Variants in SLC25A21 observed in about 807,000 individuals in gnomAD.
SLC25A21 encodes the protein mitochondrial 2-oxodicarboxylate carrier.
A neutral mutation model predicts 43.8 loss-of-function variants in SLC25A21; 47 were observed. That is an observed-to-expected ratio of 1.07 (90% CI 0.85 to 1.37). The LOEUF (loss-of-function observed/expected upper bound fraction) is 1.37, where lower values mean the gene tolerates loss of function less well. Ranked by LOEUF, SLC25A21 falls within the 40% of genes most tolerant of loss-of-function variation. The pLI is 0.00. For missense variants in SLC25A21, 352 were observed against 350.2 expected (o/e 1.00, Z -0.04); for synonymous variants, 131 against 121.3 (o/e 1.08, Z -0.52).
chr14:36,727,952 C>T (rs1194484484), intron 5 of SLC25A21, among the ~76,000 whole-genome samples: 1 of 152,156 alleles, frequency 6.6e-6, no homozygotes, highest in Non-Finnish European at 1.5e-5. Context: ...TTATTACTTA[C>T]TCTATGCAAT....
intron 3 of SLC25A21, among the ~76,000 whole-genome samples, chr14:36,795,734 A>C (rs1887648387): frequency 6.6e-6 from 1 of 152,250 alleles, no homozygotes. Flanking sequence ...TTACAAGGAC[A>C]GGTGGGAGCT....
chr14:36,784,443 T>A (rs986455634), intron 3 of SLC25A21, among the ~76,000 whole-genome samples: 6 of 152,170 alleles, frequency 3.9e-5, no homozygotes, highest in Non-Finnish European at 1.5e-5. Flanking sequence ...GGTAGTGGCC[T>A]GAGACCTCTT....
chr14:36,914,163 T>C (rs1891766186), intron 1 of SLC25A21, among the ~76,000 whole-genome samples: 1 of 152,206 alleles, frequency 6.6e-6, no homozygotes, highest in African/African-American at 2.4e-5. Context: ...ATCTTCCAGC[T>C]TAGAATAAAT....
chr14:37,084,762 A>G (rs992977303), intron 1 of SLC25A21, among the ~76,000 whole-genome samples: 1 of 152,154 alleles, frequency 6.6e-6, no homozygotes, highest in Admixed American at 6.5e-5. Context: ...CTTAGTTGCT[A>G]TAGACTACAT....
chr14:36,987,854 G>T (rs1960179024), intron 1 of SLC25A21, among the ~76,000 whole-genome samples: 1 of 152,186 alleles, frequency 6.6e-6, no homozygotes, highest in Admixed American at 6.5e-5. Context: ...GCTACCTGTA[G>T]CTGGGTTTCA....
intron 1 of SLC25A21, among the ~76,000 whole-genome samples, chr14:37,069,584 C>G (rs1264824258): frequency 6.6e-6 from 1 of 152,140 alleles, no homozygotes; most frequent in African/African-American, 2.4e-5. Context: ...TCAGTTTCAG[C>G]CTTCTTCGTT....
chr14:36,751,650 A>G (rs1465664322), intron 3 of SLC25A21, among the ~76,000 whole-genome samples: 1 of 152,142 alleles, frequency 6.6e-6, no homozygotes, highest in Non-Finnish European at 1.5e-5. Context: ...AGGACCATTC[A>G]CTTATTTATC....
chr14:36,911,901 G>A (rs1213422998), intron 1 of SLC25A21, among the ~76,000 whole-genome samples: 1 of 152,146 alleles, frequency 6.6e-6, no homozygotes, highest in Non-Finnish European at 1.5e-5. Flanking sequence ...GCTATAAAGT[G>A]CATGCTCTTA....
chr14:36,786,504 T>C (rs549473072), intron 3 of SLC25A21, among the ~76,000 whole-genome samples: 4 of 152,306 alleles, frequency 2.6e-5, no homozygotes, highest in African/African-American at 9.6e-5. Context: ...GTCAGGAGAT[T>C]TGCTGCTAAA....
intron 1 of SLC25A21, among the ~76,000 whole-genome samples, chr14:36,877,942 T>C (rs1431325589): frequency 6.6e-6 from 1 of 152,134 alleles, no homozygotes; most frequent in Admixed American, 6.5e-5. Flanking sequence ...TTATTACCAA[T>C]GTACTCCATG....
At chr14:37,127,857 C>T (rs1963324208) in intron 1 of SLC25A21, among the ~76,000 whole-genome samples, 1 of 152,160 alleles carries the variant, frequency 6.6e-6, no homozygotes, top group African/African-American at 2.4e-5. Context: ...ATGGAATATA[C>T]TGACACTCAG....
chr14:36,752,880 T>A (rs1885762472), intron 3 of SLC25A21, among the ~76,000 whole-genome samples: 1 of 152,148 alleles, frequency 6.6e-6, no homozygotes, highest in African/African-American at 2.4e-5. Flanking sequence ...AAGGACGTGT[T>A]TGCTTCCCTT....
At chr14:36,954,488 C>T (rs1387079010) in intron 1 of SLC25A21, among the ~76,000 whole-genome samples, 1 of 139,960 alleles carries the variant, frequency 7.1e-6, no homozygotes, top group Admixed American at 7.6e-5. Flanking sequence ...CACATACATA[C>T]ATATATATAT....
intron 6 of SLC25A21, among the ~76,000 whole-genome samples, chr14:36,715,990 C>G (rs1463079622): frequency 6.6e-6 from 1 of 152,046 alleles, no homozygotes; most frequent in African/African-American, 2.4e-5. Context: ...ACTTGGGAGG[C>G]TGAGGCAGAA....
intron 1 of SLC25A21, among the ~76,000 whole-genome samples, chr14:37,081,530 T>C (rs970934429): frequency 2.0e-5 from 3 of 152,318 alleles, no homozygotes; most frequent in Middle Eastern, 3.4e-3. Flanking sequence ...CCAAGACTGT[T>C]GTATCAAACA....
rs1295937711 is a variant in SLC25A21 at position 36,789,902 on chromosome 14, ATATT to A, written c.203+24012_203+24015del. Among the ~76,000 whole-genome samples, 67 of 122,716 alleles carry A rather than the reference ATATT, an allele frequency of 5.5e-4. 1 individual carries two copies. The highest frequency in any genetic ancestry group is 2.1e-3 in the African/African-American group (66 of 31,818). 80.5% of individuals were successfully genotyped at this position (122,716 alleles called of 152,430 possible). ...TATTTATATAAAATATATATTATAT[ATATT>A]TATATATATTATATATTTATATATT... On this transcript the variant is annotated intron_variant, in intron 3 of 9. Transcript: ENST00000331299.
intron 1 of SLC25A21, among the ~76,000 whole-genome samples, chr14:37,023,671 T>C (rs1017817060): frequency 1.3e-5 from 2 of 152,024 alleles, no homozygotes; most frequent in African/African-American, 2.4e-5. Flanking sequence ...TAATAAATAC[T>C]GAACTCCCAG....
intron 1 of SLC25A21, among the ~76,000 whole-genome samples, chr14:36,893,127 G>A (rs1891128301): frequency 6.6e-6 from 1 of 152,170 alleles, no homozygotes; most frequent in African/African-American, 2.4e-5. Context: ...TCGCCACACT[G>A]ACTTCCACAA....
intron 1 of SLC25A21, among the ~76,000 whole-genome samples, chr14:37,153,350 A>T (rs1253183579): frequency 1.3e-5 from 2 of 152,228 alleles, no homozygotes; most frequent in African/African-American, 4.8e-5. Context: ...TGGAATGAGG[A>T]GTAAGATGGG....
Sources: gnomAD v4.1 joint callset for allele counts (sites outside exome capture counted in the v4.1 genomes callset) on GRCh38, gnomAD v4.1.1 for gene constraint, MANE v1.5 for transcripts, NCBI Gene and HGNC (gene_info 2026-07-23, HGNC 2026-07-21) for gene names.